Variants in ATXN3 observed in about 807,000 individuals in gnomAD.
ATXN3 encodes the protein ataxin 3.
A neutral mutation model predicts 58.2 loss-of-function variants in ATXN3; 28 were observed. The ratio of observed to expected loss-of-function variants is 0.48; its 90% CI spans 0.36 to 0.66. The LOEUF (loss-of-function observed/expected upper bound fraction) is 0.66, where lower values mean the gene tolerates loss of function less well. Ranked by LOEUF, ATXN3 falls within the 30% of genes least tolerant of loss-of-function variation. The probability of loss-of-function intolerance (pLI) is 0.00; values close to 1 mark genes in which losing one functional copy is unlikely to be tolerated. For missense variants in ATXN3, 321 were observed against 422.1 expected, an observed-to-expected ratio of 0.76 and a Z score of 2.10; for synonymous variants, 113 against 138.5, an observed-to-expected ratio of 0.82 and a Z score of 1.29.
chr14:92,050,937 A>G (rs979604924), upstream of ATXN3, among the ~76,000 whole-genome samples: 1 of 152,236 alleles, frequency 6.6e-6, no homozygotes, highest in African/African-American at 2.4e-5. Flanking sequence ...TGAGAAAACC[A>G]TCAAAATGAA....
intron 9 of ATXN3, chr14:92,077,655 T>C (rs959384323): frequency 6.7e-6 from 1 of 149,332 alleles, no homozygotes; most frequent in African/African-American, 2.5e-5. Context: ...GCCTTTTTTT[T>C]TTCTTTTTGA....
chr14:92,104,792 G>A (rs1052113399), intron 1 of ATXN3, among the ~76,000 whole-genome samples: 1 of 151,848 alleles, frequency 6.6e-6, no homozygotes, highest in Non-Finnish European at 1.5e-5. Context: ...GCGTGGTGGC[G>A]GGCGCCTGTA....
At position 92,072,993 on chromosome 14, in the gene ATXN3, G is replaced by A. The variant is rs774014555; in HGVS notation, c.873-1940C>T. Among the ~76,000 whole-genome samples, 12 of 152,298 alleles carry A rather than the reference G, an allele frequency of 7.9e-5. No homozygotes were observed. In the South Asian group the frequency reaches 2.3e-3, roughly 29 times the overall value. ...TTAGTGTGCATGGCTAATGATGCAC[G>A]TAAGGGCAGTATCCTCCCATTAGCA... is the stretch of plus-strand genomic sequence containing the variant. On this transcript the variant is annotated intron_variant, in intron 9 of 10. Transcript: ENST00000644486.
chr14:92,071,376 G>A (rs2059419466), intron 9 of ATXN3: 2 of 423,048 alleles, frequency 4.7e-6, no homozygotes, highest in Non-Finnish European at 8.9e-6. Flanking sequence ...CGGGTGGATG[G>A]CTTGAGGTCA....
chr14:92,091,358 A>G (rs10135397), intron 5 of ATXN3, among the ~76,000 whole-genome samples: 68,340 of 151,698 alleles, frequency 0.45, 16,620 homozygotes, highest in African/African-American at 0.64. Context: ...GGCTGAGACA[A>G]GAGAATTGCT....
chr14:92,050,226 T>G (rs1178111952), upstream of ATXN3: 1 of 151,994 alleles, frequency 6.6e-6, no homozygotes, highest in Non-Finnish European at 1.5e-5. Flanking sequence ...AAACAAGAAT[T>G]GTCAGGAACT....
At chr14:92,106,437 G>A in intron 1 of ATXN3, 92 bp downstream of exon 1, 2 of 1,546,540 alleles carry the variant, frequency 1.3e-6, no homozygotes, top group South Asian at 2.2e-5. Context: ...GGGGCGACTC[G>A]GGCCCCACCC....
chr14:92,089,334 T>G (rs1445516550), intron 5 of ATXN3, among the ~76,000 whole-genome samples: 2 of 46,760 alleles, frequency 4.3e-5, no homozygotes, highest in Non-Finnish European at 3.9e-5. Flanking sequence ...TAAATACTCT[T>G]TTTTTTTTTT....
chr14:92,045,941 C>T (rs563853386), intron 2 of ATXN3, among the ~76,000 whole-genome samples: 3 of 152,250 alleles, frequency 2.0e-5, no homozygotes, highest in South Asian at 2.1e-4. Context: ...TTGCCCTGAG[C>T]GATGGGATCT....
At chr14:92,068,212 A>G (rs74071846) in intron 10 of ATXN3, among the ~76,000 whole-genome samples, 1,601 of 152,284 alleles carry the variant, frequency 0.011, 17 homozygotes, top group African/African-American at 0.036. Context: ...CCAGCTCCCC[A>G]GTCAGCCTTC....
chr14:92,095,842 TG>T (rs2065077446), intron 3 of ATXN3, among the ~76,000 whole-genome samples: 1 of 151,748 alleles, frequency 6.6e-6, no homozygotes, highest in Non-Finnish European at 1.5e-5. Flanking sequence ...CTTGGGAGGC[TG>T]AGGCAGGAGG....
In ATXN3 at chr14:92,096,776, G is replaced by T; in HGVS notation, c.87C>A (p.Ser29Arg). 1.2e-6 allele frequency: 2 copies of T among 1,613,758 alleles called. No homozygotes were observed. The highest frequency in any genetic ancestry group is 1.7e-6 in the Non-Finnish European group (2 of 1,179,708). The stretch of plus-strand genomic sequence containing the variant: ...GTGCAATTGAGGATAATTCCACAGG[G>T]CTAAAATATTCTCCTTGCAATAAGT... ...LNNLLQGEYF[S>R]PVELSSIAHQ... is the part of the protein sequence containing the mutation. The change falls in exon 2 of 11, where the codon AGC becomes AGA. Residue 29 changes from serine to arginine, a missense_variant. Around this residue, in one of 2 missense-constraint regions of ATXN3, gnomAD observed 121 missense variants for 198.9 expected, o/e 0.61. Transcript: ENST00000644486.
chr14:92,106,179 G>C (rs978272480), intron 1 of ATXN3, among the ~76,000 whole-genome samples: 1 of 152,192 alleles, frequency 6.6e-6, no homozygotes, highest in Admixed American at 6.5e-5. Flanking sequence ...CCTAGGGAGA[G>C]GGAAGGATTG....
intron 5 of ATXN3, 77 bp from the exon 6 acceptor site, chr14:92,088,894 C>T (rs1350499951): frequency 1.3e-6 from 1 of 790,430 alleles, no homozygotes; most frequent in African/African-American, 1.7e-5. Context: ...AGAATAGATA[C>T]AACCCATCAA....
intron 10 of ATXN3, among the ~76,000 whole-genome samples, chr14:92,069,123 G>T (rs929041793): frequency 1.4e-5 from 2 of 142,214 alleles, no homozygotes; most frequent in Non-Finnish European, 3.0e-5. Flanking sequence ...TTGTCACCCA[G>T]GCTGGAGTTC....
In ATXN3 at chr14:92,059,529, A is replaced by G. The variant is rs1165655213; in HGVS notation, c.*4791T>C. 6.6e-6 allele frequency: 1 copy of G among 152,280 alleles called. No homozygotes were observed. The highest frequency in any genetic ancestry group is 1.5e-5 in the Non-Finnish European group (1 of 68,078). 9.4% of individuals were successfully genotyped at this position (152,280 alleles called of 1,614,324 possible). On this transcript the variant is annotated 3_prime_UTR_variant, in exon 11 of 11. Transcript: ENST00000644486. ...ACAACAAACAATTCACTTTGAAAAC[A>G]GTGGCCCAAGGCCGGGTGTGGTGGC...
intron 9 of ATXN3, among the ~76,000 whole-genome samples, chr14:92,072,446 A>G (rs1050387061): frequency 6.6e-6 from 1 of 152,216 alleles, no homozygotes. Flanking sequence ...TTGAGCACCA[A>G]CATGATACTC....
At chr14:92,093,175 C>A (rs1253258704) in intron 5 of ATXN3, 77 bp downstream of exon 5, 36 of 999,438 alleles carry the variant, frequency 3.6e-5, no homozygotes, top group Non-Finnish European at 4.7e-5. Flanking sequence ...GCATGAGCCA[C>A]CACACCTGGC....
chr14:92,079,462 G>A, intron 9 of ATXN3: 2 of 981,706 alleles, frequency 2.0e-6, no homozygotes, highest in Non-Finnish European at 1.2e-6. Context: ...CTACTTCTGA[G>A]TTGTGACTTA....
Sources: allele counts gnomAD v4.1 joint callset (sites outside exome capture counted in the v4.1 genomes callset), GRCh38; gene constraint gnomAD v4.1.1; regional missense constraint gnomAD v4.1.1; transcripts MANE v1.5; gene names NCBI Gene and HGNC (gene_info 2026-07-23, HGNC 2026-07-21).